TBC1D14: variants seen among roughly 807,000 people sequenced by gnomAD.
The protein encoded by TBC1D14 is TBC1 domain family, member 14.
Under a neutral mutation model 79.0 loss-of-function variants are expected in TBC1D14, and 26 were observed. The ratio of observed to expected loss-of-function variants is 0.33; its 90% CI spans 0.24 to 0.46. TBC1D14 has a LOEUF of 0.46. Ranked by LOEUF, TBC1D14 falls within the 20% of genes least tolerant of loss-of-function variation. TBC1D14 has a pLI of 1.00. For synonymous variants in TBC1D14, 394 were observed against 349.9 expected, an observed-to-expected ratio of 1.13 and a Z score of -1.40; for missense variants, 769 against 887.6, an observed-to-expected ratio of 0.87 and a Z score of 1.70.
In TBC1D14 at chr4:7,030,513, C is replaced by T. The variant is rs1722951488; in HGVS notation, c.*121C>T. ...GACGCTCTTTAAGTTTGATTCCTAACACTGGAGTTGGCCTTAAACAAAACA... is the reference window on the plus strand; with the variant it reads ...GACGCTCTTTAAGTTTGATTCCTAATACTGGAGTTGGCCTTAAACAAAACA... On this transcript the variant is annotated 3_prime_UTR_variant, in exon 14 of 14. Coordinates refer to ENST00000409757, the MANE Select transcript of TBC1D14 (RefSeq NM_020773.3). 1.0e-6 allele frequency: 1 copy of T among 995,212 alleles called. No individual in the cohort carries two copies. Among genetic ancestry groups the T allele is most frequent in the South Asian group, 1.4e-5 (1 of 71,882 alleles). The allele number at this position is 995,212 out of a possible 1,614,324, so 61.6% of individuals were successfully genotyped here.
Position 7,027,426 on chromosome 4 carries a change from TAC to T in TBC1D14, c.2016+2168_2016+2169del, listed in dbSNP as rs781227364. ...CAATCACCCCCCACACACCTACACA[TAC>T]ACAGTCACCCCACACATAGACACGC... On this transcript the variant is annotated intron_variant, in intron 13 of 13. Transcript: ENST00000409757. Among the ~76,000 whole-genome samples the T allele has an allele frequency of 2.6e-4, 22 of 84,938 alleles. No individual in the cohort carries two copies. In the East Asian group the frequency reaches 3.1e-3, roughly 12 times the overall value. 55.7% of individuals were successfully genotyped at this position (84,938 alleles called of 152,430 possible). A position where few individuals can be genotyped will look rare whatever the true frequency, so the allele number is the denominator to read the frequency against.
At chr4:6,925,053 G>T (rs1724178776) in intron 2 of TBC1D14, among the ~76,000 whole-genome samples, 1 of 152,156 alleles carries the variant, frequency 6.6e-6, no homozygotes, top group Admixed American at 6.6e-5. Flanking sequence ...AACACTTTGG[G>T]AGGCTGAGGT....
chr4:7,005,309 G>A (rs1011793631), intron 8 of TBC1D14, among the ~76,000 whole-genome samples: 1 of 152,180 alleles, frequency 6.6e-6, no homozygotes, highest in African/African-American at 2.4e-5. Flanking sequence ...GCTGAGGCGG[G>A]TGGATCACAA....
chr4:6,993,560 A>T (rs1195573953), intron 3 of TBC1D14, among the ~76,000 whole-genome samples: 1 of 152,176 alleles, frequency 6.6e-6, no homozygotes, highest in Non-Finnish European at 1.5e-5. Flanking sequence ...GAAGAGAGAA[A>T]ACATGCCTGT....
At position 6,923,584 on chromosome 4, in the gene TBC1D14, C is replaced by G; in HGVS notation, c.195C>G (p.Asp65Glu). ...ACCGGCACAGCCTCCAGTCCGTGGA[C>G]TCGGGGATTCCTACCCTGGAGATCG... ...LEDRHSLQSV[D>E]SGIPTLEIGN... The change falls in exon 2 of 14, where the codon GAC becomes GAG. Residue 65 changes from aspartate (D) to glutamate (E), a missense_variant. Transcript: ENST00000409757. The G allele has an allele frequency of 6.2e-7, 1 of 1,614,094 alleles. No homozygotes were observed. Among genetic ancestry groups the G allele is most frequent in the Non-Finnish European group, 8.5e-7 (1 of 1,180,008 alleles).
Position 7,027,627 on chromosome 4 carries a change from C to T in TBC1D14, c.2016+2365C>T, listed in dbSNP as rs577013915. ...TACCCTACACAGTCACATCCACACA[C>T]AATCACCCCACACACATCACACACC... On this transcript the variant is annotated intron_variant, in intron 13 of 13. Transcript: ENST00000409757. Among the ~76,000 whole-genome samples, 112 of 129,932 alleles carry T rather than the reference C, an allele frequency of 8.6e-4. 1 individual carries two copies. The highest frequency in any genetic ancestry group is 7.7e-3 in the South Asian group (28 of 3,630). 85.2% of individuals were successfully genotyped at this position (129,932 alleles called of 152,430 possible). A position where few individuals can be genotyped will look rare whatever the true frequency, so the allele number is the denominator to read the frequency against.
intron 3 of TBC1D14, among the ~76,000 whole-genome samples, chr4:6,984,986 GC>G (rs1717693750): frequency 6.6e-6 from 1 of 152,170 alleles, no homozygotes; most frequent in African/African-American, 2.4e-5. Context: ...CGAGAGAAAA[GC>G]CCCTGGGAGC....
At chr4:6,971,122 T>C (rs555525759) in intron 3 of TBC1D14, among the ~76,000 whole-genome samples, 1 of 152,378 alleles carries the variant, frequency 6.6e-6, no homozygotes, top group African/African-American at 2.4e-5. Flanking sequence ...GTGTGCACAC[T>C]GGCCAGGAGC....
chr4:7,001,087 G>A, intron 6 of TBC1D14, 58 bp from the exon 7 acceptor site: 1 of 1,489,098 alleles, frequency 6.7e-7, no homozygotes, highest in South Asian at 1.2e-5. Flanking sequence ...TAGGCACGCA[G>A]GTAGACAAAT....
intron 2 of TBC1D14, among the ~76,000 whole-genome samples, chr4:6,950,339 T>C (rs959188875): frequency 1.3e-5 from 2 of 152,250 alleles, no homozygotes; most frequent in Non-Finnish European, 2.9e-5. Flanking sequence ...ATTTGGATCC[T>C]CTCTGTAGAA....
intron 2 of TBC1D14, among the ~76,000 whole-genome samples, chr4:6,932,452 C>CA (rs1455836527): frequency 6.6e-6 from 1 of 151,410 alleles, no homozygotes; most frequent in Non-Finnish European, 1.5e-5. Context: ...AGTGATCCAG[C>CA]AAGGGAGAAG....
chr4:6,961,489 C>T (rs563774063), intron 2 of TBC1D14, among the ~76,000 whole-genome samples: 4 of 152,106 alleles, frequency 2.6e-5, no homozygotes, highest in Non-Finnish European at 5.9e-5. Flanking sequence ...AGGAGCTGAG[C>T]CTGGTGGTGG....
At chr4:7,019,475 A>C (rs570672197) in intron 12 of TBC1D14, among the ~76,000 whole-genome samples, 1 of 152,108 alleles carries the variant, frequency 6.6e-6, no homozygotes, top group Non-Finnish European at 1.5e-5. Context: ...CTTGCTGAGC[A>C]CGTCTGGCTT....
chr4:6,976,185 G>A (rs1716698556), intron 3 of TBC1D14, among the ~76,000 whole-genome samples: 1 of 152,192 alleles, frequency 6.6e-6, no homozygotes, highest in South Asian at 2.1e-4. Flanking sequence ...ATGTGGGGCA[G>A]TACTAAAAAG....
chr4:6,932,918 A>T (rs1204723347), intron 2 of TBC1D14, among the ~76,000 whole-genome samples: 2 of 152,076 alleles, frequency 1.3e-5, no homozygotes, highest in Non-Finnish European at 2.9e-5. Flanking sequence ...ACTTATCAGG[A>T]TGAAACAGCA....
At chr4:6,966,374 T>C (rs912304896) in intron 2 of TBC1D14, among the ~76,000 whole-genome samples, 1 of 152,212 alleles carries the variant, frequency 6.6e-6, no homozygotes, top group South Asian at 2.1e-4. Context: ...TGGGATTTAT[T>C]TGTGTTATTT....
intron 2 of TBC1D14, among the ~76,000 whole-genome samples, chr4:6,964,166 G>C (rs1275273365): frequency 3.9e-5 from 6 of 151,972 alleles, no homozygotes; most frequent in Non-Finnish European, 1.5e-5. Flanking sequence ...TGTTAGCCGA[G>C]ACCTGAAAAA....
chr4:6,922,104 G>A (rs1723914262), intron 1 of TBC1D14, among the ~76,000 whole-genome samples: 1 of 152,070 alleles, frequency 6.6e-6, no homozygotes, highest in Non-Finnish European at 1.5e-5. Flanking sequence ...CCAGGCCAGA[G>A]TGCGGTGGTG....
At chr4:6,968,087 G>A (rs1371259343) in intron 3 of TBC1D14, among the ~76,000 whole-genome samples, 2 of 152,120 alleles carry the variant, frequency 1.3e-5, no homozygotes, top group African/African-American at 4.8e-5. Flanking sequence ...CAGCCGGCTC[G>A]GCATCCTAAG....
Sources: gnomAD v4.1 joint callset for allele counts (sites outside exome capture counted in the v4.1 genomes callset) on GRCh38, gnomAD v4.1.1 for gene constraint, MANE v1.5 for transcripts, NCBI Gene and HGNC (gene_info 2026-07-23, HGNC 2026-07-21) for gene names.